The following PTPRD variants were observed in gnomAD, a reference collection of about 807,000 sequenced individuals.
PTPRD encodes the protein receptor-type tyrosine-protein phosphatase delta.
In PTPRD, 34 loss-of-function variants were observed where a neutral mutation model predicts 214.5. That is an observed-to-expected ratio of 0.16 (90% CI 0.12 to 0.21). The LOEUF (loss-of-function observed/expected upper bound fraction) is 0.21. PTPRD is among the 10% of genes least tolerant of loss of function. The pLI, the probability that PTPRD is intolerant of heterozygous loss-of-function variation, is 1.00. For synonymous variants in PTPRD, 1,128 were observed against 845.7 expected (o/e 1.33, Z -5.79); for missense variants, 2,545 against 2,398.7 (o/e 1.06, Z -1.27).
At chr9:8,382,187 A>G (rs7020035) in intron 37 of PTPRD, among the ~76,000 whole-genome samples, 12,914 of 152,312 alleles carry the variant, frequency 0.085, 611 homozygotes, top group Non-Finnish European at 0.099. Flanking sequence ...CAATATTTTA[A>G]CAACCAGTAC....
chr9:10,125,423 T>TTTTATTA (rs1242346104), intron 3 of PTPRD, among the ~76,000 whole-genome samples: 1 of 133,556 alleles, frequency 7.5e-6, no homozygotes, highest in African/African-American at 2.8e-5. Context: ...TTTGTTTTAT[T>TTTTATTA]TTATTATTAT....
chr9:9,898,991 C>T lies in PTPRD; in HGVS notation c.-368+39516G>A, dbSNP rs543492363. On this transcript the variant is annotated intron_variant, in intron 5 of 45. Coordinates refer to ENST00000381196, the MANE Select transcript of PTPRD (RefSeq NM_002839.4). ...CATGATTATCTACATAACAAATCCC[C>T]AAAAAACTACCAAACAAAAATTTTC... Among the ~76,000 whole-genome samples the T allele has an allele frequency of 1.6e-4, 25 of 152,050 alleles. No individual in the cohort carries two copies. The East Asian group carries it at 4.3e-3, about 26-fold the overall frequency.
intron 9 of PTPRD, among the ~76,000 whole-genome samples, chr9:9,284,752 G>A (rs755131351): frequency 1.3e-5 from 2 of 151,774 alleles, no homozygotes; most frequent in South Asian, 2.1e-4. Context: ...AGATTCTTAT[G>A]TTAGGATCTT....
At chr9:9,343,159 G>C (rs531850990) in intron 9 of PTPRD, among the ~76,000 whole-genome samples, 19 of 152,120 alleles carry the variant, frequency 1.2e-4, no homozygotes, top group African/African-American at 4.3e-4. Context: ...TGGTTCCAAG[G>C]CTTTGCTATT....
At chr9:9,783,528 G>A (rs1192964338) in intron 5 of PTPRD, among the ~76,000 whole-genome samples, 3 of 152,148 alleles carry the variant, frequency 2.0e-5, no homozygotes, top group African/African-American at 7.2e-5. Context: ...AATAGCCACT[G>A]ATGTGGGAAG....
Position 8,655,596 on chromosome 9 carries a change from G to A in PTPRD, c.65-18752C>T, listed in dbSNP as rs113209355. Among the ~76,000 whole-genome samples, 439 of 152,118 alleles carry A rather than the reference G, an allele frequency of 2.9e-3. 9 individuals carry two copies. Among genetic ancestry groups the A allele is most frequent in the African/African-American group, 0.01 (422 of 41,506 alleles). On this transcript the variant is annotated intron_variant, in intron 12 of 45. Transcript: ENST00000381196. ...AACATAAAGGAGATTTAAACATAAAGCTTTGAAAAAGTCAGTAATTAATGA... is the reference window on the plus strand; with the variant it reads ...AACATAAAGGAGATTTAAACATAAAACTTTGAAAAAGTCAGTAATTAATGA...
intron 3 of PTPRD, among the ~76,000 whole-genome samples, chr9:10,302,632 G>C (rs2095899237): frequency 6.6e-6 from 1 of 152,290 alleles, no homozygotes; most frequent in Admixed American, 6.5e-5. Context: ...TGATAAAACA[G>C]ACTTTAAAAC....
chr9:9,506,978 G>A (rs1033888788), intron 8 of PTPRD, among the ~76,000 whole-genome samples: 15 of 151,378 alleles, frequency 9.9e-5, no homozygotes, highest in Non-Finnish European at 1.9e-4. Flanking sequence ...TGTACTCAAA[G>A]ATTATATACA....
chr9:9,900,053 T>C (rs1170017468), intron 5 of PTPRD, among the ~76,000 whole-genome samples: 1 of 152,114 alleles, frequency 6.6e-6, no homozygotes, highest in Non-Finnish European at 1.5e-5. Flanking sequence ...ATTGAAGAAA[T>C]ATTCTGTGTT....
In PTPRD at chr9:8,831,889, T is replaced by C. The variant is rs116671903; in HGVS notation, c.-103-97943A>G. ...AAATCACAACGTTTTATGAAGTCCA[T>C]ATTCTATTTCTCCTTTAGTGCTTTT... On this transcript the variant is annotated intron_variant, in intron 11 of 45. Coordinates refer to ENST00000381196, the MANE Select transcript of PTPRD (RefSeq NM_002839.4). Among the ~76,000 whole-genome samples the C allele has an allele frequency of 2.7e-3, 379 of 141,030 alleles. 6 individuals carry two copies. The highest frequency in any genetic ancestry group is 0.01 in the African/African-American group (361 of 35,934). The allele number at this position is 141,030 out of a possible 152,430, so 92.5% of individuals were successfully genotyped here.
intron 9 of PTPRD, among the ~76,000 whole-genome samples, chr9:9,243,332 A>C (rs1481819540): frequency 6.6e-6 from 1 of 152,082 alleles, no homozygotes; most frequent in Non-Finnish European, 1.5e-5. Context: ...GCAGAGACAC[A>C]ACAAAAAAAG....
At chr9:8,375,752 G>A (rs942990753) in intron 39 of PTPRD, among the ~76,000 whole-genome samples, 184 bp downstream of exon 39, 3 of 151,978 alleles carry the variant, frequency 2.0e-5, no homozygotes, top group Non-Finnish European at 4.4e-5. Context: ...TATCTCCAGG[G>A]GAAATATGCA....
intron 2 of PTPRD, among the ~76,000 whole-genome samples, chr9:10,588,804 A>G (rs369555050): frequency 2.0e-5 from 3 of 151,994 alleles, no homozygotes; most frequent in African/African-American, 7.2e-5. Flanking sequence ...CTGGCCCCCT[A>G]TTTCAAATTG....
intron 30 of PTPRD, among the ~76,000 whole-genome samples, chr9:8,476,202 G>T (rs117962569): frequency 0.024 from 3,584 of 152,254 alleles, 64 homozygotes; most frequent in Non-Finnish European, 0.032. Flanking sequence ...GTTTTGAGAT[G>T]AAACTGTTCC....
At chr9:9,806,899 T>G (rs562609930) in intron 5 of PTPRD, among the ~76,000 whole-genome samples, 1 of 152,234 alleles carries the variant, frequency 6.6e-6, no homozygotes, top group East Asian at 1.9e-4. Context: ...CACACTGCAC[T>G]TGTGGCCCCT....
chr9:8,686,067 T>C (rs565294500), intron 12 of PTPRD, among the ~76,000 whole-genome samples: 35 of 152,326 alleles, frequency 2.3e-4, no homozygotes, highest in Non-Finnish European at 4.4e-4. Context: ...TCAACAGTCC[T>C]CTGAAAGCAA....
At chr9:9,732,023 T>A (rs540080746) in intron 7 of PTPRD, among the ~76,000 whole-genome samples, 1 of 152,010 alleles carries the variant, frequency 6.6e-6, no homozygotes, top group African/African-American at 2.4e-5. Flanking sequence ...AACAAAGAGT[T>A]CAAGGACAGG....
chr9:8,666,039 G>GTT (rs35323995), intron 12 of PTPRD, among the ~76,000 whole-genome samples: 3,320 of 144,686 alleles, frequency 0.023, 70 homozygotes, highest in African/African-American at 0.053. Flanking sequence ...TTTCATAACT[G>GTT]TTTTTTTTTT....
intron 7 of PTPRD, among the ~76,000 whole-genome samples, chr9:9,606,989 A>G (rs2094201827): frequency 6.8e-6 from 1 of 147,514 alleles, no homozygotes; most frequent in Non-Finnish European, 1.5e-5. Flanking sequence ...AAAAAAAAAA[A>G]AAAAAAAAAA....
Sources: gnomAD v4.1 joint callset for allele counts (sites outside exome capture counted in the v4.1 genomes callset) on GRCh38, gnomAD v4.1.1 for gene constraint, MANE v1.5 for transcripts, NCBI Gene and HGNC (gene_info 2026-07-23, HGNC 2026-07-21) for gene names.